Variants in MDN1 observed in about 807,000 individuals in gnomAD.
MDN1 encodes the protein midasin AAA ATPase 1.
MDN1 carries 266 observed loss-of-function variants against 669.2 expected under a neutral mutation model. That is an observed-to-expected ratio of 0.40 (90% confidence interval 0.36 to 0.44). MDN1 has a LOEUF of 0.44. MDN1 is among the 20% of genes least tolerant of loss of function. The probability of loss-of-function intolerance (pLI) is 1.00; values close to 1 mark genes in which losing one functional copy is unlikely to be tolerated. For missense variants in MDN1, 5,940 were observed against 6,754.0 expected (o/e 0.88, Z 4.22); for synonymous variants, 2,385 against 2,457.1 (o/e 0.97, Z 0.87).
intron 20 of MDN1, among the ~76,000 whole-genome samples, chr6:89,755,821 C>T (rs779784035): frequency 9.2e-5 from 14 of 152,220 alleles, no homozygotes; most frequent in Non-Finnish European, 1.8e-4. Flanking sequence ...GCACAAGCCA[C>T]GTAACTACTC....
chr6:89,700,933 A>AATATATC, intron 55 of MDN1, 77 bp from the exon 56 acceptor site: 1 of 1,174,776 alleles, frequency 8.5e-7, no homozygotes, highest in Non-Finnish European at 1.2e-6. Context: ...CAGGTCTCAG[A>AATATATC]ATAAATTTAT....
chr6:89,800,044 G>C (rs1242525422), intron 2 of MDN1, among the ~76,000 whole-genome samples: 3 of 151,962 alleles, frequency 2.0e-5, no homozygotes, highest in African/African-American at 7.2e-5. Flanking sequence ...CCAGAGAGGA[G>C]AAAGGGGATA....
At chr6:89,759,843 G>C (rs1430166918) in intron 17 of MDN1, among the ~76,000 whole-genome samples, 2 of 151,720 alleles carry the variant, frequency 1.3e-5, no homozygotes. Flanking sequence ...AGGCCAAGGT[G>C]GGTGGCTCAC....
At chr6:89,790,041 C>T (rs942081397) in intron 6 of MDN1, 118 bp downstream of exon 6, 32 of 1,583,608 alleles carry the variant, frequency 2.0e-5, no homozygotes, top group Non-Finnish European at 2.8e-5. Flanking sequence ...CATAGGTTGG[C>T]CCCAACAGTT....
rs114779526 is a variant in MDN1, at chr6:89,740,307, T to A, written c.4520A>T (p.Glu1507Val). The A allele has an allele frequency of 4.4e-3, 7,109 of 1,610,998 alleles. 30 individuals carry two copies. Among genetic ancestry groups the A allele is most frequent in the Middle Eastern group, 7.8e-3 (47 of 6,052 alleles). The change falls in exon 32 of 102, where the codon GAG becomes GTG. Residue 1507 changes from glutamate (E) to valine (V), a missense_variant. Physicochemically the swap from Glu to Val is moderately radical, Grantham distance 121. Coordinates refer to ENST00000369393, the MANE Select transcript of MDN1 (RefSeq NM_014611.3). ...AAATTTTTTCCCAGCAGTCAACAGCTCTATTTCACTATCCTTGTCCTCTGG... is the reference window on the plus strand; with the variant it reads ...AAATTTTTTCCCAGCAGTCAACAGCACTATTTCACTATCCTTGTCCTCTGG... ...GSPEDKDSEI[E>V]LLTAGKKFRI...
rs56193921 is a variant in MDN1, at chr6:89,816,436, GAAA to G, written c.102+3067_102+3069del. On this transcript the variant is annotated intron_variant, in intron 1 of 101. Coordinates refer to ENST00000369393, the MANE Select transcript of MDN1 (RefSeq NM_014611.3). ...GGGGGTGAGGAGACTGCATTTGGGG[GAAA>G]AAAAAAAATCATTTACAGGCTAGGC... Among the ~76,000 whole-genome samples, 48 of 150,786 alleles carry G rather than the reference GAAA, an allele frequency of 3.2e-4. 1 individual carries two copies. The highest frequency in any genetic ancestry group is 4.3e-4 in the Non-Finnish European group (29 of 67,782).
intron 1 of MDN1, among the ~76,000 whole-genome samples, chr6:89,806,733 T>G (rs953126516): frequency 6.6e-6 from 1 of 151,378 alleles, no homozygotes; most frequent in Admixed American, 6.6e-5. Flanking sequence ...ATAAAAAAAT[T>G]TTTAAAAAAA....
At chr6:89,685,745 G>A in intron 70 of MDN1, 82 bp downstream of exon 70, 1 of 1,467,168 alleles carries the variant, frequency 6.8e-7, no homozygotes, top group Non-Finnish European at 9.2e-7. Context: ...CGTGCAACAA[G>A]GCACCTGTCT....
chr6:89,802,940 T>C (rs749872933), intron 2 of MDN1, among the ~76,000 whole-genome samples: 10 of 152,326 alleles, frequency 6.6e-5, no homozygotes, highest in Admixed American at 1.3e-4. Context: ...CTATAGCTCT[T>C]CTAATCCACT....
At chr6:89,776,246 G>A (rs1004566584) in intron 12 of MDN1, among the ~76,000 whole-genome samples, 7 of 152,030 alleles carry the variant, frequency 4.6e-5, no homozygotes, top group Non-Finnish European at 8.8e-5. Flanking sequence ...TGGGTCACCT[G>A]AGGTCAGGAG....
At position 89,645,147 on chromosome 6, in the gene MDN1, T is replaced by C. The variant is rs745498334; in HGVS notation, c.16470A>G (p.Gln5490=). ...LSQNISSETA[Q]LLLVVSDGRG... is the part of the protein sequence containing the mutation. Reference sequence around the variant, plus strand: ...GCCCATCAGAGACTACCAGGAGGAGTTGTGCAGTTTCTGTAGACCATATAA... The same window carrying C: ...GCCCATCAGAGACTACCAGGAGGAGCTGTGCAGTTTCTGTAGACCATATAA... Residue 5490 remains glutamine, a synonymous_variant, in exon 101 of 102, where the codon CAA becomes CAG. Coordinates refer to ENST00000369393, the MANE Select transcript of MDN1 (RefSeq NM_014611.3). The C allele has an allele frequency of 3.7e-6, 6 of 1,604,168 alleles. No homozygotes were observed. The Admixed American group carries it at 5.0e-5, about 13-fold the overall frequency.
intron 26 of MDN1, among the ~76,000 whole-genome samples, chr6:89,748,990 G>A (rs1200730271): frequency 6.6e-6 from 1 of 151,994 alleles, no homozygotes; most frequent in Admixed American, 6.6e-5. Context: ...CCTGAGCCCA[G>A]GAGGTCAAGG....
chr6:89,774,485 G>T, intron 13 of MDN1, 136 bp downstream of exon 13: 1 of 588,812 alleles, frequency 1.7e-6, no homozygotes. Flanking sequence ...GGAAAACACT[G>T]CTCCTTCCCA....
chr6:89,772,647 C>T lies in MDN1; in HGVS notation c.2009G>A (p.Gly670Glu), dbSNP rs761095658. The change falls in exon 14 of 102, where the codon GGG (glycine) becomes GAG (glutamate). Residue 670 changes from glycine to glutamate, a missense_variant. Physicochemically the swap from Gly to Glu is moderately conservative, Grantham distance 98 (BLOSUM62 -2). Around this residue, in one of 5 missense-constraint regions of MDN1, gnomAD observed 1,203 missense variants for 1,268.9 expected, o/e 0.95. Coordinates refer to ENST00000369393, the MANE Select transcript of MDN1 (RefSeq NM_014611.3). Reference sequence around the variant, plus strand: ...CTCTCCCACCAGCAACACAGGCTCCCCTTTGCTGACACACACTGCAAGCTG... The same window carrying T: ...CTCTCCCACCAGCAACACAGGCTCCTCTTTGCTGACACACACTGCAAGCTG... ...IEQLAVCVSKGEPVLLVGETG... is the reference protein window; with the variant it reads ...IEQLAVCVSKEEPVLLVGETG... 1.9e-6 allele frequency: 3 copies of T among 1,614,142 alleles called. No individual in the cohort carries two copies. The East Asian group carries it at 6.7e-5, about 36-fold the overall frequency.
intron 63 of MDN1, 115 bp downstream of exon 63, chr6:89,692,328 C>G (rs563243806): frequency 3.6e-5 from 32 of 883,640 alleles, no homozygotes; most frequent in Non-Finnish European, 4.7e-5. Flanking sequence ...AAAATGCCCA[C>G]GCCCCAACGA....
At chr6:89,717,725 C>T (rs546481282) in intron 43 of MDN1, among the ~76,000 whole-genome samples, 48 of 152,186 alleles carry the variant, frequency 3.2e-4, no homozygotes, top group East Asian at 2.1e-3. Flanking sequence ...AGTGGCCCAC[C>T]GCCACAGATA....
chr6:89,772,826 G>T (rs1390084946), intron 13 of MDN1, 105 bp from the exon 14 acceptor site: 2 of 1,258,678 alleles, frequency 1.6e-6, no homozygotes, highest in African/African-American at 1.5e-5. Flanking sequence ...TGAGAAAACA[G>T]CTCACAGTAA....
chr6:89,794,728 G>T lies in MDN1; in HGVS notation c.403C>A (p.Pro135Thr), dbSNP rs1369734674. 6.2e-7 allele frequency: 1 copy of T among 1,614,204 alleles called. No homozygotes were observed. Among genetic ancestry groups the T allele is most frequent in the Admixed American group, 1.7e-5 (1 of 60,010 alleles). ...RLFLESSDAN[P>T]VRYGRRRMKL... Reference sequence around the variant, plus strand: ...ATCCTCCTACGTCCATAGCGTACTGGATTAGCATCTGAACTCTCTAGGAAA... The same window carrying T: ...ATCCTCCTACGTCCATAGCGTACTGTATTAGCATCTGAACTCTCTAGGAAA... Residue 135 changes from proline to threonine, a missense_variant, in exon 3 of 102, where the codon CCA becomes ACA. Pro to Thr is a conservative substitution (Grantham distance 38, BLOSUM62 -1). Coordinates refer to ENST00000369393, the MANE Select transcript of MDN1 (RefSeq NM_014611.3).
chr6:89,754,108 C>A lies in MDN1; in HGVS notation c.2939G>T (p.Gly980Val). The change falls in exon 21 of 102, where the codon GGC (glycine) becomes GTC (valine). Residue 980 changes from glycine to valine, a missense_variant. By Grantham distance (109) the Gly-to-Val change is moderately radical. Coordinates refer to ENST00000369393, the MANE Select transcript of MDN1 (RefSeq NM_014611.3). Reference protein sequence around the residue: ...ALRFAASNPCGNIQRSLYEGF... With the variant: ...ALRFAASNPCVNIQRSLYEGF... ...CTCATAGAGTGAGCGCTGAATGTTG[C>A]CACATGGATTGGAGGCTGCAAATCG... is the stretch of plus-strand genomic sequence containing the variant. 2 of 1,613,990 alleles carry A rather than the reference C, an allele frequency of 1.2e-6. No individual in the cohort carries two copies. The highest frequency in any genetic ancestry group is 1.7e-6 in the Non-Finnish European group (2 of 1,179,972).
Sources: gnomAD v4.1 joint callset for allele counts (sites outside exome capture counted in the v4.1 genomes callset) on GRCh38, gnomAD v4.1.1 for gene constraint, gnomAD v4.1.1 regional missense constraint, MANE v1.5 for transcripts, NCBI Gene and HGNC (gene_info 2026-07-23, HGNC 2026-07-21) for gene names.